TMEM184B: variants seen among roughly 807,000 people sequenced by gnomAD.
The protein encoded by TMEM184B is putative MAPK-activating protein FM08.
In TMEM184B, 17 loss-of-function variants were observed where a neutral mutation model predicts 41.8. The observed-to-expected ratio is 0.41, with a 90% CI of 0.28 to 0.61. The LOEUF is 0.61. TMEM184B is among the 20% of genes least tolerant of loss of function. The probability of loss-of-function intolerance (pLI) is 0.34; values close to 1 mark genes in which losing one functional copy is unlikely to be tolerated. For synonymous variants in TMEM184B, 240 were observed against 229.5 expected, an observed-to-expected ratio of 1.05 and a Z score of -0.41; for missense variants, 393 against 557.8, an observed-to-expected ratio of 0.70 and a Z score of 2.98.
intron 1 of TMEM184B, among the ~76,000 whole-genome samples, chr22:38,256,977 G>GCT (rs2092290236): frequency 8.0e-6 from 1 of 124,288 alleles, no homozygotes; most frequent in African/African-American, 3.1e-5. Flanking sequence ...GACATTAATA[G>GCT]TTTTTTTTTT....
intron 3 of TMEM184B, among the ~76,000 whole-genome samples, chr22:38,245,478 G>C (rs181150576): frequency 8.4e-4 from 123 of 147,050 alleles, no homozygotes; most frequent in African/African-American, 2.3e-3. Context: ...CGAGACCCAG[G>C]GGGAGGGCCC....
chr22:38,245,883 T>TGCCCCCCCC, intron 3 of TMEM184B, 52 bp downstream of exon 3: 25 of 1,288,704 alleles, frequency 1.9e-5, no homozygotes, highest in Admixed American at 2.0e-5. Context: ...GGACAGGGGC[T>TGCCCCCCCC]CCCAGCCCCC....
At chr22:38,261,786 C>T (rs2092371897) in intron 1 of TMEM184B, among the ~76,000 whole-genome samples, 1 of 152,200 alleles carries the variant, frequency 6.6e-6, no homozygotes, top group African/African-American at 2.4e-5. Flanking sequence ...GCTACCACCC[C>T]ATGGGAGCAG....
intron 3 of TMEM184B, chr22:38,231,800 T>C: frequency 2.9e-6 from 1 of 346,988 alleles, no homozygotes. Flanking sequence ...TTCTGGGCTG[T>C]AGTGTGCTAC....
chr22:38,269,123 C>T (rs922262756), intron 1 of TMEM184B, among the ~76,000 whole-genome samples: 2 of 152,208 alleles, frequency 1.3e-5, no homozygotes, highest in African/African-American at 4.8e-5. Context: ...GGCTAATAAG[C>T]GCACAGATTT....
chr22:38,219,326 G>T lies in TMEM184B; in HGVS notation c.*2143C>A, dbSNP rs374618234. On this transcript the variant is annotated 3_prime_UTR_variant, in exon 9 of 9. Coordinates refer to ENST00000361906, the MANE Select transcript of TMEM184B (RefSeq NM_012264.5). ...TACAATCTATATTATCTCATATATA[G>T]ATTTCTTCCTCACTTTATTTGCTCA... 2.2e-5 allele frequency: 22 copies of T among 985,786 alleles called. No individual in the cohort carries two copies. The African/African-American group carries it at 3.3e-4, about 15-fold the overall frequency. The allele number at this position is 985,786 out of a possible 1,614,324, so 61.1% of individuals were successfully genotyped here. A position where few individuals can be genotyped will look rare whatever the true frequency, so the allele number is the denominator to read the frequency against.
At chr22:38,237,046 C>T (rs2091790144) in intron 3 of TMEM184B, among the ~76,000 whole-genome samples, 2 of 152,148 alleles carry the variant, frequency 1.3e-5, no homozygotes, top group South Asian at 4.1e-4. Context: ...CTATTGGCAG[C>T]TCCTTGAGCC....
intron 1 of TMEM184B, among the ~76,000 whole-genome samples, chr22:38,265,124 T>G (rs575763324): frequency 9.7e-4 from 147 of 152,280 alleles, no homozygotes; most frequent in Non-Finnish European, 1.8e-3. Context: ...CCCCACATGC[T>G]CTGGGAAGTG....
In TMEM184B at chr22:38,220,988, T is replaced by A; in HGVS notation, c.*481A>T. The A allele has an allele frequency of 1.0e-6, 1 of 995,150 alleles. No homozygotes were observed. Among genetic ancestry groups the A allele is most frequent in the Non-Finnish European group, 1.2e-6 (1 of 836,066 alleles). The allele number at this position is 995,150 out of a possible 1,614,324, so 61.6% of individuals were successfully genotyped here. On this transcript the variant is annotated 3_prime_UTR_variant, in exon 9 of 9. Transcript: ENST00000361906. ...ACTCCTGCCCGGGGTGAGGTGAATC[T>A]AGCACTGGACAAAGGTGGACAGGGG...
At chr22:38,270,054 T>C (rs909171532) in intron 1 of TMEM184B, among the ~76,000 whole-genome samples, 1 of 152,204 alleles carries the variant, frequency 6.6e-6, no homozygotes, top group African/African-American at 2.4e-5. Context: ...TTCAAACTCC[T>C]TGGCGGGGCC....
At chr22:38,252,763 C>T (rs1427088172) in intron 1 of TMEM184B, among the ~76,000 whole-genome samples, 3 of 152,190 alleles carry the variant, frequency 2.0e-5, no homozygotes, top group African/African-American at 4.8e-5. Flanking sequence ...GTACTTCTCT[C>T]GGAGCCTCAG....
At chr22:38,245,877 A>T in intron 3 of TMEM184B, 58 bp downstream of exon 3, 1 of 1,464,892 alleles carries the variant, frequency 6.8e-7, no homozygotes, top group South Asian at 1.2e-5. Context: ...ATGTGGGGAC[A>T]GGGGCTCCCA....
In TMEM184B at chr22:38,219,624, G is replaced by A. The variant is rs73884660; in HGVS notation, c.*1845C>T. The stretch of plus-strand genomic sequence containing the variant: ...TCCCGTCCCCACGACCCCACGGACC[G>A]CTGATTCCCTGCCACTGAGCTCCCC... On this transcript the variant is annotated 3_prime_UTR_variant, in exon 9 of 9. Transcript: ENST00000361906. The A allele has an allele frequency of 4.1e-3, 4,034 of 985,310 alleles. 19 individuals are homozygous for A. Among genetic ancestry groups the A allele is most frequent in the African/African-American group, 0.018 (1,003 of 57,310 alleles). 61.0% of individuals were successfully genotyped at this position (985,310 alleles called of 1,614,324 possible). A position where few individuals can be genotyped will look rare whatever the true frequency, so the allele number is the denominator to read the frequency against.
Position 38,219,929 on chromosome 22 carries a change from A to G in TMEM184B, c.*1540T>C. 1.0e-6 allele frequency: 1 copy of G among 985,456 alleles called. No individual in the cohort carries two copies. The highest frequency in any genetic ancestry group is 1.2e-6 in the Non-Finnish European group (1 of 829,940). 61.0% of individuals were successfully genotyped at this position (985,456 alleles called of 1,614,324 possible). ...CACGAGGAAAGGAAGGAGGCCAGGA[A>G]GACGGCTGGGCCCCAACTCTCCTCA... On this transcript the variant is annotated 3_prime_UTR_variant, in exon 9 of 9. Coordinates refer to ENST00000361906, the MANE Select transcript of TMEM184B (RefSeq NM_012264.5).
chr22:38,258,176 G>C (rs2092314534), intron 1 of TMEM184B, among the ~76,000 whole-genome samples: 1 of 152,198 alleles, frequency 6.6e-6, no homozygotes, highest in Admixed American at 6.5e-5. Context: ...TATCACCTAA[G>C]CTGGGCCTGA....
chr22:38,238,633 G>C (rs1338021518), intron 3 of TMEM184B, among the ~76,000 whole-genome samples: 3 of 152,214 alleles, frequency 2.0e-5, no homozygotes, highest in African/African-American at 7.2e-5. Flanking sequence ...TGCACCTGCG[G>C]CCCTCGGCTG....
At chr22:38,242,242 C>T (rs944948717) in intron 3 of TMEM184B, among the ~76,000 whole-genome samples, 2 of 150,716 alleles carry the variant, frequency 1.3e-5, no homozygotes, top group African/African-American at 2.4e-5. Flanking sequence ...CCAAGGCGGG[C>T]GGATTGCCTG....
intron 8 of TMEM184B, among the ~76,000 whole-genome samples, chr22:38,224,373 C>T (rs1442585631): frequency 6.6e-6 from 1 of 152,208 alleles, no homozygotes; most frequent in African/African-American, 2.4e-5. Flanking sequence ...CTCGGCCTCC[C>T]AAAGTGCTGG....
Position 38,219,635 on chromosome 22 carries a change from G to A in TMEM184B, c.*1834C>T, listed in dbSNP as rs890576105. 9.1e-5 allele frequency: 90 copies of A among 985,402 alleles called. No individual in the cohort carries two copies. The highest frequency in any genetic ancestry group is 1.1e-4 in the Non-Finnish European group (89 of 829,970). The allele number at this position is 985,402 out of a possible 1,614,324, so 61.0% of individuals were successfully genotyped here. A position where few individuals can be genotyped will look rare whatever the true frequency, so the allele number is the denominator to read the frequency against. On this transcript the variant is annotated 3_prime_UTR_variant, in exon 9 of 9. Transcript: ENST00000361906. Reference sequence around the variant, plus strand: ...CGACCCCACGGACCGCTGATTCCCTGCCACTGAGCTCCCCCCACCCTCCAC... The same window carrying A: ...CGACCCCACGGACCGCTGATTCCCTACCACTGAGCTCCCCCCACCCTCCAC...
Sources: gnomAD v4.1 joint callset for allele counts (sites outside exome capture counted in the v4.1 genomes callset) on GRCh38, gnomAD v4.1.1 for gene constraint, MANE v1.5 for transcripts, NCBI Gene and HGNC (gene_info 2026-07-23, HGNC 2026-07-21) for gene names.